UNC13C: variants seen among roughly 807,000 people sequenced by gnomAD.
The protein encoded by UNC13C is unc-13 homolog C.
A neutral mutation model predicts 245.4 loss-of-function variants in UNC13C; 174 were observed. The ratio of observed to expected loss-of-function variants is 0.71; its 90% confidence interval spans 0.63 to 0.80. The LOEUF is 0.80. Ranked by LOEUF, UNC13C falls within the 30% of genes least tolerant of loss-of-function variation. The probability of loss-of-function intolerance (pLI) is 0.00; values close to 1 mark genes in which losing one functional copy is unlikely to be tolerated. For missense variants in UNC13C, 2,829 were observed against 2,602.9 expected, an observed-to-expected ratio of 1.09 and a Z score of -1.89; for synonymous variants, 992 against 895.1, an observed-to-expected ratio of 1.11 and a Z score of -1.93.
chr15:54,126,744 A>G (rs759170866), intron 2 of UNC13C, among the ~76,000 whole-genome samples: 1 of 152,194 alleles, frequency 6.6e-6, no homozygotes, highest in Admixed American at 6.5e-5. Context: ...CTGCACAGAA[A>G]AAGAAACTAT....
intron 13 of UNC13C, among the ~76,000 whole-genome samples, chr15:54,308,294 A>G (rs1486360733): frequency 6.6e-6 from 1 of 151,916 alleles, no homozygotes; most frequent in African/African-American, 2.4e-5. Flanking sequence ...TATTTTGACT[A>G]TTAATGGTTA....
chr15:54,408,199 C>CAAAAAAAAAA (rs71105808), intron 18 of UNC13C, among the ~76,000 whole-genome samples: 800 of 29,104 alleles, frequency 0.027, 189 homozygotes, highest in Non-Finnish European at 0.039. Context: ...GACTCTGCCT[C>CAAAAAAAAAA]AAAAAAAAAA....
At chr15:54,522,098 A>G (rs917536937) in intron 24 of UNC13C, among the ~76,000 whole-genome samples, 3 of 152,222 alleles carry the variant, frequency 2.0e-5, no homozygotes, top group African/African-American at 4.8e-5. Flanking sequence ...GCAAAAGGAG[A>G]TAAGTGAATT....
chr15:54,607,528 T>C (rs1899832514), intron 30 of UNC13C, among the ~76,000 whole-genome samples: 1 of 152,190 alleles, frequency 6.6e-6, no homozygotes, highest in South Asian at 2.1e-4. Flanking sequence ...ATCTATTTTT[T>C]ATTTTTTAAA....
At chr15:54,540,935 C>T (rs866365088) in intron 26 of UNC13C, among the ~76,000 whole-genome samples, 14 of 151,982 alleles carry the variant, frequency 9.2e-5, no homozygotes, top group African/African-American at 3.1e-4. Flanking sequence ...GTTGTGTCTC[C>T]AATCATACCA....
intron 17 of UNC13C, among the ~76,000 whole-genome samples, chr15:54,355,616 C>G (rs1156558779): frequency 6.6e-6 from 1 of 152,120 alleles, no homozygotes; most frequent in Non-Finnish European, 1.5e-5. Flanking sequence ...CTTCGGCCTC[C>G]CAAAGTGCTG....
At chr15:54,037,712 A>G in intron 2 of UNC13C, among the ~76,000 whole-genome samples, 1 of 152,138 alleles carries the variant, frequency 6.6e-6, no homozygotes, top group East Asian at 1.9e-4. Context: ...AGATACTCCC[A>G]TAAATTCTTC....
intron 24 of UNC13C, 92 bp downstream of exon 24, chr15:54,511,922 T>A: frequency 1.2e-6 from 1 of 831,610 alleles, no homozygotes; most frequent in Non-Finnish European, 2.0e-6. Context: ...AATCAAGTTT[T>A]TACATGGTTA....
At chr15:54,395,711 T>A (rs2040056653) in intron 18 of UNC13C, among the ~76,000 whole-genome samples, 1 of 151,872 alleles carries the variant, frequency 6.6e-6, no homozygotes, top group Non-Finnish European at 1.5e-5. Flanking sequence ...ATTGTTATCA[T>A]GAGTTTGAGA....
At chr15:54,122,127 A>AT (rs201838763) in intron 2 of UNC13C, among the ~76,000 whole-genome samples, 107 of 146,650 alleles carry the variant, frequency 7.3e-4, no homozygotes, top group South Asian at 8.6e-4. Context: ...ATCTTGTTCC[A>AT]TTTTTTTTTT....
intron 4 of UNC13C, among the ~76,000 whole-genome samples, chr15:54,197,215 G>A (rs945874769): frequency 3.3e-5 from 5 of 152,114 alleles, no homozygotes; most frequent in African/African-American, 9.7e-5. Flanking sequence ...AGTGGCTCAC[G>A]CCTGTAATCC....
chr15:54,208,047 C>T (rs1454147095), intron 4 of UNC13C, among the ~76,000 whole-genome samples: 1 of 152,168 alleles, frequency 6.6e-6, no homozygotes, highest in African/African-American at 2.4e-5. Flanking sequence ...AAGCATGGCA[C>T]CAACACTTGC....
At chr15:54,174,513 T>C (rs938446353) in intron 4 of UNC13C, among the ~76,000 whole-genome samples, 9 of 152,204 alleles carry the variant, frequency 5.9e-5, no homozygotes, top group African/African-American at 1.9e-4. Flanking sequence ...AGTTTAGGTA[T>C]GATTTAATCA....
At chr15:54,372,974 T>G (rs888433575) in intron 17 of UNC13C, among the ~76,000 whole-genome samples, 5 of 152,154 alleles carry the variant, frequency 3.3e-5, no homozygotes, top group African/African-American at 1.2e-4. Context: ...GAGACATACC[T>G]GTAAGAAAGT....
At chr15:54,443,395 T>C (rs1001409950) in intron 19 of UNC13C, among the ~76,000 whole-genome samples, 10 of 152,084 alleles carry the variant, frequency 6.6e-5, no homozygotes, top group Non-Finnish European at 1.3e-4. Context: ...TTAGTCTCTC[T>C]TTTGTTTAGA....
At chr15:54,001,088 A>C (rs2140974229) in intron 1 of UNC13C, among the ~76,000 whole-genome samples, 1 of 152,272 alleles carries the variant, frequency 6.6e-6, no homozygotes, top group Non-Finnish European at 1.5e-5. Context: ...ATTTAGGTCA[A>C]GTTCTGTTTG....
chr15:54,059,117 A>G (rs1486109655), intron 2 of UNC13C, among the ~76,000 whole-genome samples: 2 of 152,188 alleles, frequency 1.3e-5, no homozygotes, highest in African/African-American at 2.4e-5. Flanking sequence ...GGCCAGGGCA[A>G]TCAGGCAGGA....
At chr15:53,973,627 A>G (rs1018435967), upstream of UNC13C, among the ~76,000 whole-genome samples, 7 of 151,654 alleles carry the variant, frequency 4.6e-5, no homozygotes, top group Admixed American at 4.6e-4. Context: ...TTTTTACTTG[A>G]GGTCATCCAA....
the UNC13C span, among the ~76,000 whole-genome samples, chr15:53,901,048 T>C: frequency 2.0e-5 from 3 of 151,994 alleles, no homozygotes; most frequent in Non-Finnish European, 4.4e-5. Context: ...AAAACACATA[T>C]AAAGTATAAT....
Sources: gnomAD v4.1 joint callset for allele counts (sites outside exome capture counted in the v4.1 genomes callset) on GRCh38, gnomAD v4.1.1 for gene constraint, MANE v1.5 for transcripts, NCBI Gene and HGNC (gene_info 2026-07-23, HGNC 2026-07-21) for gene names.